UTRN: variants seen among roughly 807,000 people sequenced by gnomAD.
The protein encoded by UTRN is dystrophin-related protein 1.
UTRN carries 283 observed loss-of-function variants against 463.9 expected under a neutral mutation model. The observed-to-expected ratio is 0.61, with a 90% confidence interval of 0.55 to 0.67. UTRN has a LOEUF of 0.67. Among genes scored for constraint, UTRN ranks in the 30% least tolerant of loss-of-function variants. The pLI, the probability that UTRN is intolerant of heterozygous loss-of-function variation, is 0.00. For synonymous variants in UTRN, 1,442 were observed against 1,431.5 expected, an observed-to-expected ratio of 1.01 and a Z score of -0.17; for missense variants, 3,922 against 4,084.3, an observed-to-expected ratio of 0.96 and a Z score of 1.08.
At chr6:144,618,394 AT>A (rs1585595563) in intron 51 of UTRN, among the ~76,000 whole-genome samples, 1 of 152,088 alleles carries the variant, frequency 6.6e-6, no homozygotes, top group African/African-American at 2.4e-5. Flanking sequence ...TATTTCTTCA[AT>A]TTGTTTGAAT....
chr6:144,572,657 A>C (rs374381503), intron 50 of UTRN, among the ~76,000 whole-genome samples: 1 of 151,852 alleles, frequency 6.6e-6, no homozygotes, highest in Non-Finnish European at 1.5e-5. Context: ...GTTTGGTTTT[A>C]TGTTCCTGTG....
chr6:144,529,729 C>G (rs1796871133), intron 41 of UTRN, among the ~76,000 whole-genome samples: 1 of 151,910 alleles, frequency 6.6e-6, no homozygotes, highest in African/African-American at 2.4e-5. Context: ...AAGTAATTTT[C>G]ATGGAGAAAG....
chr6:144,592,465 G>T (rs2128632395), intron 51 of UTRN, among the ~76,000 whole-genome samples: 1 of 152,202 alleles, frequency 6.6e-6, no homozygotes, highest in East Asian at 1.9e-4. Context: ...CCACCTCCCA[G>T]GTTCAAGTGA....
In UTRN at chr6:144,644,285, A is replaced by G. The variant is rs141402321; in HGVS notation, c.7480-34121A>G. Reference sequence around the variant, plus strand: ...ATTTGTTCAAATGGCTGATGCTTACATGTCATTTTGGATCCAGAGATGCAA... The same window carrying G: ...ATTTGTTCAAATGGCTGATGCTTACGTGTCATTTTGGATCCAGAGATGCAA... On this transcript the variant is annotated intron_variant, in intron 51 of 74. Transcript: ENST00000367545. Among the ~76,000 whole-genome samples the G allele has an allele frequency of 3.3e-3, 500 of 152,306 alleles. 3 individuals carry two copies. The highest frequency in any genetic ancestry group is 0.011 in the African/African-American group (466 of 41,574).
intron 51 of UTRN, among the ~76,000 whole-genome samples, chr6:144,625,814 T>C (rs1775886223): frequency 6.6e-6 from 1 of 152,194 alleles, no homozygotes; most frequent in Non-Finnish European, 1.5e-5. Context: ...CAGTTGAATA[T>C]ATTTCATCTT....
chr6:144,634,452 T>C (rs183553843), intron 51 of UTRN, among the ~76,000 whole-genome samples: 1 of 152,330 alleles, frequency 6.6e-6, no homozygotes, highest in African/African-American at 2.4e-5. Flanking sequence ...CGTAAGTTCT[T>C]TTCTGTTTCT....
intron 17 of UTRN, among the ~76,000 whole-genome samples, chr6:144,450,617 G>A (rs1584835366): frequency 6.6e-6 from 1 of 152,284 alleles, no homozygotes; most frequent in East Asian, 1.9e-4. Flanking sequence ...TTTGTATCTG[G>A]TTCACTTTCA....
chr6:144,514,683 C>A lies in UTRN; in HGVS notation c.5107C>A (p.Gln1703Lys). 1 of 1,614,106 alleles carries A rather than the reference C, an allele frequency of 6.2e-7. No homozygotes were observed. Among genetic ancestry groups the A allele is most frequent in the Non-Finnish European group, 8.5e-7 (1 of 1,180,008 alleles). The change falls in exon 37 of 75, where the codon CAG becomes AAG. Residue 1703 changes from glutamine to lysine, a missense_variant. Transcript: ENST00000367545. ...ATCTGAGCTGGATGATGCCAACCTC[C>A]AGGTTGAAAATGTCCGCGATCAAGC... ...LVSELDDANL[Q>K]VENVRDQALI... is the part of the protein sequence containing the mutation.
intron 51 of UTRN, among the ~76,000 whole-genome samples, chr6:144,662,055 A>C (rs1003664893): frequency 6.6e-6 from 1 of 152,082 alleles, no homozygotes; most frequent in Non-Finnish European, 1.5e-5. Flanking sequence ...ACTCAAAGAA[A>C]CAGTCCTGAT....
intron 69 of UTRN, among the ~76,000 whole-genome samples, chr6:144,833,511 T>A (rs1411561733): frequency 6.6e-6 from 1 of 152,250 alleles, no homozygotes; most frequent in Non-Finnish European, 1.5e-5. Flanking sequence ...TTTTGGGTAC[T>A]CTGTCTTTAT....
At chr6:144,384,744 C>G (rs1289733886) in intron 2 of UTRN, among the ~76,000 whole-genome samples, 2 of 152,188 alleles carry the variant, frequency 1.3e-5, no homozygotes, top group Non-Finnish European at 2.9e-5. Flanking sequence ...AATTTCCTTT[C>G]TCTTCAAGGC....
chr6:144,533,624 T>A (rs1390131270), intron 43 of UTRN, among the ~76,000 whole-genome samples: 1 of 152,158 alleles, frequency 6.6e-6, no homozygotes, highest in Non-Finnish European at 1.5e-5. Flanking sequence ...ATTTCCTGAT[T>A]GAGCCTACCT....
In UTRN at chr6:144,626,493, TCATGAGTTAGAAA is replaced by T. The variant is rs532017400; in HGVS notation, c.7479+49206_7479+49218del. Among the ~76,000 whole-genome samples, 86 of 152,310 alleles carry T rather than the reference TCATGAGTTAGAAA, an allele frequency of 5.6e-4. 1 individual carries two copies. In the South Asian group the frequency reaches 0.017, roughly 30 times the overall value. On this transcript the variant is annotated intron_variant, in intron 51 of 74. Transcript: ENST00000367545. ...GCATTTCTCCAATTCTACTCCACCT[TCATGAGTTAGAAA>T]TAATTCCTCTTTTAAGGCAGAAAAA...
chr6:144,490,165 C>A lies in UTRN; in HGVS notation c.4229C>A (p.Thr1410Asn), dbSNP rs1447228718. ...CCCCTGACCTCCCCAGAGAGTAGGA[C>A]TGCCAGAGGAGGAAGTCAGATGGAT... is the stretch of plus-strand genomic sequence containing the variant. ...SQPLTSPESR[T>N]ARGGSQMDVL... The change falls in exon 31 of 75, where the codon ACT becomes AAT. Residue 1410 changes from threonine (T) to asparagine (N), a missense_variant. By Grantham distance (65) the Thr-to-Asn change is moderately conservative (BLOSUM62 0). Around this residue, in one of 3 missense-constraint regions of UTRN, gnomAD observed 2,349 missense variants for 2,303.8 expected, o/e 1.02. Transcript: ENST00000367545. 1.9e-6 allele frequency: 3 copies of A among 1,613,294 alleles called. No homozygotes were observed. The highest frequency in any genetic ancestry group is 2.5e-6 in the Non-Finnish European group (3 of 1,179,640).
At chr6:144,597,683 CTATCCTGGTCTT>C (rs1463084863) in intron 51 of UTRN, among the ~76,000 whole-genome samples, 1 of 152,096 alleles carries the variant, frequency 6.6e-6, no homozygotes, top group Non-Finnish European at 1.5e-5. Flanking sequence ...AGCTCTAGAA[CTATCCTGGTCTT>C]TATCTATGAA....
chr6:144,717,642 T>C (rs1786642194), intron 53 of UTRN, among the ~76,000 whole-genome samples: 1 of 142,166 alleles, frequency 7.0e-6, no homozygotes, highest in South Asian at 2.3e-4. Flanking sequence ...TTCTTTTTTT[T>C]TTTTTTTTTT....
intron 52 of UTRN, among the ~76,000 whole-genome samples, chr6:144,688,796 A>C (rs1190458702): frequency 6.6e-6 from 1 of 152,154 alleles, no homozygotes; most frequent in Non-Finnish European, 1.5e-5. Context: ...AGTGGTGTGC[A>C]CTTATTTATT....
intron 9 of UTRN, among the ~76,000 whole-genome samples, chr6:144,432,860 C>A (rs374690341): frequency 6.6e-6 from 1 of 151,980 alleles, no homozygotes; most frequent in Non-Finnish European, 1.5e-5. Flanking sequence ...GTCCCTGGGT[C>A]CTTGAGATTA....
At chr6:144,471,808 G>A (rs1344434270) in intron 23 of UTRN, among the ~76,000 whole-genome samples, 1 of 152,238 alleles carries the variant, frequency 6.6e-6, no homozygotes, top group Non-Finnish European at 1.5e-5. Flanking sequence ...AAGAATAAAC[G>A]AGATGCAGAA....
Sources: allele counts gnomAD v4.1 joint callset (sites outside exome capture counted in the v4.1 genomes callset), GRCh38; gene constraint gnomAD v4.1.1; regional missense constraint gnomAD v4.1.1; transcripts MANE v1.5; gene names NCBI Gene and HGNC (gene_info 2026-07-23, HGNC 2026-07-21).